Variants in CMIP observed in about 807,000 individuals in gnomAD.
CMIP encodes C-Maf-inducing protein.
CMIP carries 13 observed loss-of-function variants against 97.3 expected under a neutral mutation model. The observed-to-expected ratio is 0.13, with a 90% CI of 0.09 to 0.21. CMIP has a LOEUF of 0.21. Ranked by LOEUF, CMIP falls within the 10% of genes least tolerant of loss-of-function variation. The pLI, the probability that CMIP is intolerant of heterozygous loss-of-function variation, is 1.00. For missense variants in CMIP, 847 were observed against 1,024.9 expected (o/e 0.83, Z 2.37); for synonymous variants, 538 against 436.3 (o/e 1.23, Z -2.91).
In CMIP at chr16:81,699,752, T is replaced by C; in HGVS notation, c.1706T>C (p.Leu569Pro). The change falls in exon 15 of 21, where the codon CTG becomes CCG. Residue 569 changes from leucine (L) to proline (P), a missense_variant. Physicochemically the swap from Leu to Pro is moderately conservative, Grantham distance 98 (BLOSUM62 -3). Coordinates refer to ENST00000537098, the MANE Select transcript of CMIP (RefSeq NM_198390.3). Reference sequence around the variant, plus strand: ...CTGCTCTCCCTGGCAGAAAACAAGCTGGGTCCCTGCATGCTCCTGGCACTG... The same window carrying C: ...CTGCTCTCCCTGGCAGAAAACAAGCCGGGTCCCTGCATGCTCCTGGCACTG... ...KFLLSLAENK[L>P]GPCMLLALRG... 1 of 1,613,744 alleles carries C rather than the reference T, an allele frequency of 6.2e-7. No individual in the cohort carries two copies.
At chr16:81,604,498 G>C (rs1407872343) in intron 1 of CMIP, among the ~76,000 whole-genome samples, 1 of 150,534 alleles carries the variant, frequency 6.6e-6, no homozygotes, top group African/African-American at 2.4e-5. Flanking sequence ...AGGAGTTCAA[G>C]ACCAGCCTGG....
intron 7 of CMIP, among the ~76,000 whole-genome samples, chr16:81,669,109 A>C (rs1597222788): frequency 6.8e-5 from 4 of 59,044 alleles, no homozygotes; most frequent in African/African-American, 2.0e-4. Flanking sequence ...CTCCACACCC[A>C]CCTCTCACAC....
rs373920550 is a variant in CMIP, at chr16:81,672,122, A to C, written c.1034+52A>C. ...GAGGGCTTGGGAGGGGCAAACTGCCACCCCCATCATGGGCAAAGTCACCAA... is the reference window on the plus strand; with the variant it reads ...GAGGGCTTGGGAGGGGCAAACTGCCCCCCCCATCATGGGCAAAGTCACCAA... On this transcript the variant is annotated intron_variant, in intron 9 of 20. Coordinates refer to ENST00000537098, the MANE Select transcript of CMIP (RefSeq NM_198390.3). 3.6e-6 allele frequency: 4 copies of C among 1,118,280 alleles called. No individual in the cohort carries two copies. The African/African-American group carries it at 4.6e-5, about 13-fold the overall frequency. 69.3% of individuals were successfully genotyped at this position (1,118,280 alleles called of 1,614,324 possible). A position where few individuals can be genotyped will look rare whatever the true frequency, so the allele number is the denominator to read the frequency against.
At position 81,710,043 on chromosome 16, in the gene CMIP, C is replaced by A; in HGVS notation, c.*244C>A. ...ACCTGATCTAAAGTGGACTTTGTAGCAACAAGAGGAGCATCAGCGGGTCGG... is the reference window on the plus strand; with the variant it reads ...ACCTGATCTAAAGTGGACTTTGTAGAAACAAGAGGAGCATCAGCGGGTCGG... On this transcript the variant is annotated 3_prime_UTR_variant, in exon 21 of 21. Coordinates refer to ENST00000537098, the MANE Select transcript of CMIP (RefSeq NM_198390.3). The A allele has an allele frequency of 6.2e-6, 1 of 162,554 alleles. No homozygotes were observed. Among genetic ancestry groups the A allele is most frequent in the Non-Finnish European group, 1.1e-5 (1 of 89,008 alleles). The allele number at this position is 162,554 out of a possible 1,614,324, so 10.1% of individuals were successfully genotyped here. A position where few individuals can be genotyped will look rare whatever the true frequency, so the allele number is the denominator to read the frequency against.
rs760830868 is a variant in CMIP, at chr16:81,701,844, CA to C, written c.1896+45del. On this transcript the variant is annotated intron_variant, in intron 16 of 20. Coordinates refer to ENST00000537098, the MANE Select transcript of CMIP (RefSeq NM_198390.3). ...CGGACCACTCCCCTGCCCAGCAGGC[CA>C]GGGGGGGCCAGGGCGGGATGCGGGG... 113 of 1,609,394 alleles carry C rather than the reference CA, an allele frequency of 7.0e-5. 1 individual carries two copies. The highest frequency in any genetic ancestry group is 5.2e-4 in the South Asian group (47 of 90,958).
chr16:81,641,036 G>T (rs1199373156), intron 3 of CMIP, among the ~76,000 whole-genome samples: 1 of 152,038 alleles, frequency 6.6e-6, no homozygotes, highest in Non-Finnish European at 1.5e-5. Flanking sequence ...AGGCTTGTGG[G>T]TGAGAACCTT....
At chr16:81,606,773 G>T (rs777616939) in intron 1 of CMIP, among the ~76,000 whole-genome samples, 1 of 152,136 alleles carries the variant, frequency 6.6e-6, no homozygotes, top group Non-Finnish European at 1.5e-5. Context: ...GGTGAGCACC[G>T]GAAAAGGAGG....
In CMIP at chr16:81,699,688, C is replaced by T. The variant is rs200788523; in HGVS notation, c.1642C>T (p.His548Tyr). 129 of 1,609,330 alleles carry T rather than the reference C, an allele frequency of 8.0e-5. No individual in the cohort carries two copies. Among genetic ancestry groups the T allele is most frequent in the Non-Finnish European group, 5.4e-5 (63 of 1,176,068 alleles). ...DDGELFASMV[H>Y]ILMGSCYKTK... is the part of the protein sequence containing the mutation. ...CCTGGGCCTTCTTGCCTCACAGGTG[C>T]ACATCCTCATGGGCTCCTGTTACAA... The change falls in exon 15 of 21, where the codon CAC becomes TAC. Residue 548 changes from histidine (H) to tyrosine (Y), a missense_variant. His to Tyr is a moderately conservative substitution (Grantham distance 83, BLOSUM62 2). This residue lies in a region of CMIP where 266 missense variants were observed against 384.2 expected (regional missense o/e 0.69). Transcript: ENST00000537098.
At chr16:81,576,145 T>G (rs1179068995) in intron 1 of CMIP, among the ~76,000 whole-genome samples, 1 of 152,208 alleles carries the variant, frequency 6.6e-6, no homozygotes, top group Non-Finnish European at 1.5e-5. Flanking sequence ...GGCTCACTCC[T>G]GTAAACCCAG....
At chr16:81,498,190 A>C (rs1165879682) in intron 1 of CMIP, among the ~76,000 whole-genome samples, 1 of 152,242 alleles carries the variant, frequency 6.6e-6, no homozygotes, top group East Asian at 1.9e-4. Context: ...TCCTTGTCTG[A>C]AAACGTGGCT....
At position 81,621,662 on chromosome 16, in the gene CMIP, C is replaced by T. The variant is rs2091993930; in HGVS notation, c.477+736C>T. 1 of 152,902 alleles carries T rather than the reference C, an allele frequency of 6.5e-6. No homozygotes were observed. Among genetic ancestry groups the T allele is most frequent in the African/African-American group, 2.4e-5 (1 of 41,592 alleles). The allele number at this position is 152,902 out of a possible 1,614,324, so 9.5% of individuals were successfully genotyped here. A position where few individuals can be genotyped will look rare whatever the true frequency, so the allele number is the denominator to read the frequency against. On this transcript the variant is annotated intron_variant, in intron 3 of 20. Transcript: ENST00000537098. This position sits in a 1 kb window ranked among gnomAD's most constrained non-coding sequence, Gnocchi z 4.1. ...AAGCTTTGACAGGCCCCTGGCCCCA[C>T]AGCGGGTATGGCTGGAATGACCAGT...
At chr16:81,550,479 C>T (rs927989514) in intron 1 of CMIP, among the ~76,000 whole-genome samples, 5 of 152,198 alleles carry the variant, frequency 3.3e-5, no homozygotes, top group Non-Finnish European at 5.9e-5. Context: ...GCCCCCCTCC[C>T]ACTCTTGGCT....
At chr16:81,691,671 CT>C in intron 10 of CMIP, 103 bp from the exon 11 acceptor site, 1 of 856,396 alleles carries the variant, frequency 1.2e-6, no homozygotes. Flanking sequence ...CACTGACTAC[CT>C]GCCAGGCTCT....
At chr16:81,486,965 C>T (rs576284327) in intron 1 of CMIP, among the ~76,000 whole-genome samples, 42 of 152,392 alleles carry the variant, frequency 2.8e-4, no homozygotes, top group Middle Eastern at 3.4e-3. Flanking sequence ...AGGCGATAAC[C>T]GCACTGGGCG....
In CMIP at chr16:81,641,280, C is replaced by T. The variant is rs574451981; in HGVS notation, c.478-10923C>T. On this transcript the variant is annotated intron_variant, in intron 3 of 20. Coordinates refer to ENST00000537098, the MANE Select transcript of CMIP (RefSeq NM_198390.3). Reference sequence around the variant, plus strand: ...GTGCCATTTTCATTCTCCCCACTGCCTGTTCTACCTGCAACAAACACCGAG... The same window carrying T: ...GTGCCATTTTCATTCTCCCCACTGCTTGTTCTACCTGCAACAAACACCGAG... Among the ~76,000 whole-genome samples, 3 of 152,264 alleles carry T rather than the reference C, an allele frequency of 2.0e-5. No individual in the cohort carries two copies. The South Asian group carries it at 6.2e-4, about 32-fold the overall frequency.
intron 3 of CMIP, among the ~76,000 whole-genome samples, chr16:81,625,965 G>T (rs1268477454): frequency 6.6e-6 from 1 of 152,280 alleles, no homozygotes; most frequent in Non-Finnish European, 1.5e-5. Context: ...AAGCTGGCCT[G>T]TATTCCTGTC....
At chr16:81,579,517 T>G (rs4889345) in intron 1 of CMIP, among the ~76,000 whole-genome samples, 95,075 of 152,086 alleles carry the variant, frequency 0.63, 29,876 homozygotes, top group South Asian at 0.67. Context: ...TGCCAGGCCC[T>G]TTCTTGGTTG....
At chr16:81,576,257 A>T (rs1248054857) in intron 1 of CMIP, among the ~76,000 whole-genome samples, 1 of 152,054 alleles carries the variant, frequency 6.6e-6, no homozygotes, top group Non-Finnish European at 1.5e-5. Context: ...TACAAAAATT[A>T]TCCAGGTGTG....
intron 1 of CMIP, among the ~76,000 whole-genome samples, chr16:81,445,953 C>A (rs1489850968): frequency 2.7e-5 from 4 of 146,822 alleles, no homozygotes; most frequent in Admixed American, 1.3e-4. Context: ...CAAAATACCA[C>A]CCCTCAGATT....
Sources: gnomAD v4.1 joint callset for allele counts (sites outside exome capture counted in the v4.1 genomes callset) on GRCh38, gnomAD v4.1.1 for gene constraint, gnomAD v4.1.1 regional missense constraint, Gnocchi (gnomAD v3.1) non-coding constraint, MANE v1.5 for transcripts, NCBI Gene and HGNC (gene_info 2026-07-23, HGNC 2026-07-21) for gene names.